The following SLC44A5 variants were observed in gnomAD, a reference collection of about 807,000 sequenced individuals.
SLC44A5 encodes choline transporter-like protein 5.
Under a neutral mutation model 101.8 loss-of-function variants are expected in SLC44A5, and 57 were observed. The ratio of observed to expected loss-of-function variants is 0.56; its 90% CI spans 0.45 to 0.70. SLC44A5 has a LOEUF of 0.70. Ranked by LOEUF, SLC44A5 falls within the 30% of genes least tolerant of loss-of-function variation. SLC44A5 has a pLI of 0.00. For synonymous variants in SLC44A5, 281 were observed against 290.9 expected, an observed-to-expected ratio of 0.97 and a Z score of 0.35; for missense variants, 737 against 853.1, an observed-to-expected ratio of 0.86 and a Z score of 1.70.
intron 2 of SLC44A5, among the ~76,000 whole-genome samples, chr1:75,512,251 A>G (rs1025138158): frequency 2.0e-5 from 3 of 152,240 alleles, no homozygotes; most frequent in Non-Finnish European, 4.4e-5. Flanking sequence ...GACTGACTGC[A>G]GTTCAATAAA....
At chr1:75,502,171 C>A (rs1186604047) in intron 2 of SLC44A5, among the ~76,000 whole-genome samples, 1 of 152,288 alleles carries the variant, frequency 6.6e-6, no homozygotes, top group African/African-American at 2.4e-5. Context: ...TGGTCAAATT[C>A]TGTACTACAC....
intron 6 of SLC44A5, among the ~76,000 whole-genome samples, chr1:75,251,550 T>C (rs1354161989): frequency 6.6e-6 from 1 of 152,214 alleles, no homozygotes; most frequent in African/African-American, 2.4e-5. Context: ...GGTAGAACAT[T>C]ACATTGCCAT....
chr1:75,704,656 G>C, the SLC44A5 span, among the ~76,000 whole-genome samples: 3 of 152,100 alleles, frequency 2.0e-5, no homozygotes, highest in Admixed American at 6.6e-5. Flanking sequence ...AAAAAGTATT[G>C]ATTTTATATG....
At position 75,537,035 on chromosome 1, in the gene SLC44A5, T is replaced by TA. The variant is rs1557885327; in HGVS notation, c.13+4399dup. 9.2e-5 allele frequency among the ~76,000 whole-genome samples: 4 copies of TA among 43,332 alleles called. 1 individual carries two copies. Among genetic ancestry groups the TA allele is most frequent in the African/African-American group, 2.0e-4 (3 of 14,820 alleles). The allele number at this position is 43,332 out of a possible 152,430, so 28.4% of individuals were successfully genotyped here. ...AAAAAAAAAAAAAAAAAAAAAAAAATATATATCTATGCCAAATGATTCTGA... is the reference window on the plus strand; with the variant it reads ...AAAAAAAAAAAAAAAAAAAAAAAAATAATATATCTATGCCAAATGATTCTGA... On this transcript the variant is annotated intron_variant, in intron 2 of 23. Coordinates refer to ENST00000370859, the MANE Select transcript of SLC44A5 (RefSeq NM_001130058.2).
At chr1:75,407,970 A>G (rs1233090134) in intron 2 of SLC44A5, among the ~76,000 whole-genome samples, 5 of 152,260 alleles carry the variant, frequency 3.3e-5, no homozygotes, top group Non-Finnish European at 7.3e-5. Context: ...CATCTGACAA[A>G]GGGCTAATAT....
At position 75,537,506 on chromosome 1, in the gene SLC44A5, T is replaced by TTTTTC. The variant is rs546421211; in HGVS notation, c.13+3928_13+3929insGAAAA. Among the ~76,000 whole-genome samples the TTTTTC allele has an allele frequency of 1.2e-4, 18 of 151,930 alleles. No homozygotes were observed. The South Asian group carries it at 3.5e-3, about 30-fold the overall frequency. On this transcript the variant is annotated intron_variant, in intron 2 of 23. Coordinates refer to ENST00000370859, the MANE Select transcript of SLC44A5 (RefSeq NM_001130058.2). ...TTTTAGAAGCAAGTATGTACAATTC[T>TTTTTC]GAAAAAGGAGGAGAGAAAGAAATGC...
chr1:75,637,094 A>G, the SLC44A5 span, among the ~76,000 whole-genome samples: 96 of 152,200 alleles, frequency 6.3e-4, no homozygotes, highest in African/African-American at 2.3e-3. Flanking sequence ...TTAATTTAAC[A>G]TAATTTTAAC....
intron 1 of SLC44A5, among the ~76,000 whole-genome samples, chr1:75,552,307 C>CACCCATA (rs1486571039): frequency 6.6e-6 from 1 of 151,994 alleles, no homozygotes; most frequent in African/African-American, 2.4e-5. Context: ...CCCATAGGTG[C>CACCCATA]TATTGACATA....
intron 23 of SLC44A5, chr1:75,205,045 G>A (rs1331326631): frequency 6.6e-6 from 1 of 152,168 alleles, no homozygotes; most frequent in Non-Finnish European, 1.5e-5. Context: ...TAAGAATGCA[G>A]AAGGCTCTTT....
chr1:75,234,227 C>T, intron 11 of SLC44A5, 129 bp from the exon 12 acceptor site: 3 of 673,642 alleles, frequency 4.5e-6, no homozygotes, highest in Admixed American at 2.9e-5. Flanking sequence ...GCTATAGAAA[C>T]ATTAATAATG....
intron 7 of SLC44A5, among the ~76,000 whole-genome samples, chr1:75,250,610 G>A (rs1557577843): frequency 6.6e-6 from 1 of 152,162 alleles, no homozygotes; most frequent in Non-Finnish European, 1.5e-5. Flanking sequence ...TGGCATATGA[G>A]TGGAAATGCA....
the SLC44A5 span, among the ~76,000 whole-genome samples, chr1:75,693,406 A>T: frequency 3.3e-5 from 5 of 152,118 alleles, no homozygotes; most frequent in Non-Finnish European, 7.4e-5. Flanking sequence ...GGGGGAACAA[A>T]CCCACTGCCT....
At chr1:75,273,608 GC>G (rs1651673758) in intron 6 of SLC44A5, among the ~76,000 whole-genome samples, 1 of 152,000 alleles carries the variant, frequency 6.6e-6, no homozygotes, top group Non-Finnish European at 1.5e-5. Flanking sequence ...TTTATCAAAT[GC>G]TTTTTCTGCA....
chr1:75,577,268 T>C (rs1673423006), intron 1 of SLC44A5, among the ~76,000 whole-genome samples: 1 of 152,244 alleles, frequency 6.6e-6, no homozygotes, highest in South Asian at 2.1e-4. Context: ...AGAGGAATCC[T>C]GTTAAAATGT....
At chr1:75,578,902 TA>T (rs1673525757) in intron 1 of SLC44A5, among the ~76,000 whole-genome samples, 1 of 152,176 alleles carries the variant, frequency 6.6e-6, no homozygotes, top group African/African-American at 2.4e-5. Flanking sequence ...ATACAATTTT[TA>T]TTTGTCACTT....
intron 3 of SLC44A5, among the ~76,000 whole-genome samples, chr1:75,344,060 A>G (rs1658077496): frequency 6.6e-6 from 1 of 151,918 alleles, no homozygotes; most frequent in Admixed American, 6.6e-5. Context: ...TTTCATATTC[A>G]TATTCTGTTC....
At chr1:75,213,834 A>G in intron 21 of SLC44A5, 41 bp from the exon 22 acceptor site, 1 of 1,563,212 alleles carries the variant, frequency 6.4e-7, no homozygotes, top group Non-Finnish European at 8.8e-7. Context: ...TACTTTTGCA[A>G]AAGAATATAG....
chr1:75,432,877 G>A (rs1250303481), intron 2 of SLC44A5, among the ~76,000 whole-genome samples: 2 of 152,024 alleles, frequency 1.3e-5, no homozygotes, highest in Non-Finnish European at 2.9e-5. Flanking sequence ...GATTTAAACT[G>A]AGAGTTCTGA....
chr1:75,282,597 AT>A (rs1652695815), intron 5 of SLC44A5, among the ~76,000 whole-genome samples: 1 of 152,076 alleles, frequency 6.6e-6, no homozygotes, highest in African/African-American at 2.4e-5. Flanking sequence ...TCTGAGTGTA[AT>A]CCCCACGTGT....
Sources: gnomAD v4.1 joint callset for allele counts (sites outside exome capture counted in the v4.1 genomes callset) on GRCh38, gnomAD v4.1.1 for gene constraint, MANE v1.5 for transcripts, NCBI Gene and HGNC (gene_info 2026-07-23, HGNC 2026-07-21) for gene names.